The following MALRD1 variants were observed in gnomAD, a reference collection of about 807,000 sequenced individuals.
MALRD1 encodes the protein MAM and LDL receptor class A domain containing 1.
MALRD1 carries 247 observed loss-of-function variants against 242.1 expected under a neutral mutation model. That is an observed-to-expected ratio of 1.02 (90% confidence interval 0.92 to 1.13). The LOEUF is 1.13. MALRD1 is among the 50% of genes most tolerant of loss of function. The pLI is 0.00. For synonymous variants in MALRD1, 995 were observed against 866.6 expected, an observed-to-expected ratio of 1.15 and a Z score of -2.60; for missense variants, 2,989 against 2,533.1, an observed-to-expected ratio of 1.18 and a Z score of -3.86.
chr10:19,542,747 C>G (rs918941773), intron 32 of MALRD1, among the ~76,000 whole-genome samples: 1 of 152,096 alleles, frequency 6.6e-6, no homozygotes, highest in African/African-American at 2.4e-5. Flanking sequence ...AAACCATAAT[C>G]TTCTCTATCC....
At chr10:19,368,611 A>G (rs1415507598) in intron 26 of MALRD1, among the ~76,000 whole-genome samples, 1 of 151,846 alleles carries the variant, frequency 6.6e-6, no homozygotes, top group African/African-American at 2.4e-5. Context: ...GGTCTTTTGT[A>G]ATGCCATATC....
rs560695687 is a variant in MALRD1, at chr10:19,058,481, ATTGATATTGAG to A, written c.200-8236_200-8226del. 3.3e-4 allele frequency among the ~76,000 whole-genome samples: 51 copies of A among 152,308 alleles called. 1 individual carries two copies. The South Asian group carries it at 9.9e-3, about 30-fold the overall frequency. On this transcript the variant is annotated intron_variant, in intron 1 of 39. Transcript: ENST00000454679. ...GATTTTCAAAATATGTTTGTTGAATATTGATATTGAGTAAGTATTGGGGTGGGGAAGACCTT... is the reference window on the plus strand; with the variant it reads ...GATTTTCAAAATATGTTTGTTGAATATAAGTATTGGGGTGGGGAAGACCTT...
intron 29 of MALRD1, among the ~76,000 whole-genome samples, chr10:19,459,677 G>T (rs11010059): frequency 6.6e-6 from 1 of 151,812 alleles, no homozygotes; most frequent in East Asian, 1.9e-4. Flanking sequence ...CATTTGTTAC[G>T]TACCTTGAAA....
intron 5 of MALRD1, among the ~76,000 whole-genome samples, chr10:19,116,015 C>T (rs1481448385): frequency 1.3e-5 from 2 of 152,134 alleles, no homozygotes; most frequent in East Asian, 3.9e-4. Context: ...ATTGTTTAGC[C>T]TATTTCCAGA....
chr10:19,531,370 G>T lies in MALRD1; in HGVS notation c.5478+19G>T. On this transcript the variant is annotated intron_variant, in intron 32 of 39. Coordinates refer to ENST00000454679, the MANE Select transcript of MALRD1 (RefSeq NM_001142308.3). The stretch of plus-strand genomic sequence containing the variant: ...ATTAAAGGTACAAAAGGAAGCCAGA[G>T]ATTTATGATCACTGAAATATGCATG... 1 of 1,508,736 alleles carries T rather than the reference G, an allele frequency of 6.6e-7. No individual in the cohort carries two copies. Among genetic ancestry groups the T allele is most frequent in the African/African-American group, 1.4e-5 (1 of 71,900 alleles). 93.5% of individuals were successfully genotyped at this position (1,508,736 alleles called of 1,614,324 possible).
chr10:19,355,859 T>TATATATATATATATATACAC lies in MALRD1; in HGVS notation c.4441+3568_4441+3569insATATATATATACACATATAT, dbSNP rs1348787430. 9.3e-4 allele frequency among the ~76,000 whole-genome samples: 17 copies of TATATATATATATATATACAC among 18,262 alleles called. 2 individuals are homozygous for TATATATATATATATATACAC. The highest frequency in any genetic ancestry group is 5.4e-3 in the Admixed American group (12 of 2,230). 12.0% of individuals were successfully genotyped at this position (18,262 alleles called of 152,430 possible). On this transcript the variant is annotated intron_variant, in intron 26 of 39. Transcript: ENST00000454679. ...GAACATATATTATATATATATATAT[T>TATATATATATATATATACAC]ATATATGATATATATTAGCTAAGCA...
chr10:19,481,342 T>G (rs1429651185), intron 29 of MALRD1, among the ~76,000 whole-genome samples: 1 of 152,182 alleles, frequency 6.6e-6, no homozygotes, highest in African/African-American at 2.4e-5. Context: ...TTAAACCTAA[T>G]TCTTTTGAAC....
intron 12 of MALRD1, among the ~76,000 whole-genome samples, chr10:19,161,683 T>C (rs538022950): frequency 5.3e-5 from 8 of 152,126 alleles, no homozygotes; most frequent in African/African-American, 1.9e-4. Flanking sequence ...ATGGACAATG[T>C]TCCCTATGTT....
intron 26 of MALRD1, among the ~76,000 whole-genome samples, chr10:19,368,377 C>T (rs1234058694): frequency 6.6e-6 from 1 of 152,074 alleles, no homozygotes; most frequent in Non-Finnish European, 1.5e-5. Context: ...AAGACACTGT[C>T]CTTTCTCCAG....
intron 32 of MALRD1, among the ~76,000 whole-genome samples, chr10:19,549,898 T>C (rs991483164): frequency 1.1e-4 from 16 of 152,244 alleles, no homozygotes; most frequent in Admixed American, 5.2e-4. Flanking sequence ...CTCAGCCTTC[T>C]GGCTAATAGG....
intron 21 of MALRD1, among the ~76,000 whole-genome samples, chr10:19,284,043 G>A (rs1213090076): frequency 1.5e-4 from 23 of 152,292 alleles, no homozygotes; most frequent in Admixed American, 1.2e-3. Flanking sequence ...CTTTCTGAAT[G>A]GAACACAAAG....
chr10:19,587,664 T>C (rs949372591), intron 33 of MALRD1, among the ~76,000 whole-genome samples: 3 of 152,206 alleles, frequency 2.0e-5, no homozygotes, highest in Admixed American at 6.5e-5. Context: ...ACTTAACGTC[T>C]TGTGGGAGGG....
chr10:19,567,808 T>A, intron 33 of MALRD1, 105 bp downstream of exon 33: 1 of 995,226 alleles, frequency 1.0e-6, no homozygotes, highest in Non-Finnish European at 1.5e-6. Context: ...CTGGGTCCAG[T>A]TCTATTTACA....
At chr10:19,130,404 G>A (rs533352434) in intron 8 of MALRD1, among the ~76,000 whole-genome samples, 1 of 152,172 alleles carries the variant, frequency 6.6e-6, no homozygotes, top group East Asian at 1.9e-4. Flanking sequence ...AGGCATAGTA[G>A]AGAAATTCTA....
chr10:19,164,505 A>G lies in MALRD1; in HGVS notation c.1657-1132A>G, dbSNP rs530397750. ...AAGTATTCCACTTTTGTGGGACCTC[A>G]TCTTTAAATGTTGGGTTTTTCTTTA... On this transcript the variant is annotated intron_variant, in intron 12 of 39. Transcript: ENST00000454679. Among the ~76,000 whole-genome samples, 32 of 152,318 alleles carry G rather than the reference A, an allele frequency of 2.1e-4. 1 individual carries two copies. In the South Asian group the frequency reaches 3.3e-3, roughly 16 times the overall value.
intron 22 of MALRD1, among the ~76,000 whole-genome samples, chr10:19,326,043 T>A (rs918944080): frequency 6.6e-6 from 1 of 152,152 alleles, no homozygotes. Context: ...TTTAGAATTT[T>A]TTTTATAATG....
At chr10:19,125,422 C>CTTCT (rs56962639) in intron 7 of MALRD1, among the ~76,000 whole-genome samples, 26 of 127,060 alleles carry the variant, frequency 2.0e-4, no homozygotes, top group East Asian at 7.1e-4. Flanking sequence ...TCCTTCCTTC[C>CTTCT]TTCTTTCTTT....
At chr10:19,436,803 A>G (rs1214632814) in intron 28 of MALRD1, among the ~76,000 whole-genome samples, 1 of 152,168 alleles carries the variant, frequency 6.6e-6, no homozygotes, top group African/African-American at 2.4e-5. Context: ...TAATGGCATA[A>G]CATGCTGTTA....
intron 14 of MALRD1, among the ~76,000 whole-genome samples, chr10:19,202,445 G>T (rs1423631255): frequency 2.0e-5 from 3 of 151,930 alleles, no homozygotes; most frequent in Admixed American, 6.6e-5. Flanking sequence ...GGCATTTTCA[G>T]GATTCAAAAT....
Sources: allele counts gnomAD v4.1 joint callset (sites outside exome capture counted in the v4.1 genomes callset), GRCh38; gene constraint gnomAD v4.1.1; transcripts MANE v1.5; gene names NCBI Gene and HGNC (gene_info 2026-07-23, HGNC 2026-07-21).